Variants in SLC20A2 observed in about 807,000 individuals in gnomAD.
The protein encoded by SLC20A2 is solute carrier family 20 member 2, also known as sodium-dependent phosphate transporter 2.
A neutral mutation model predicts 61.0 loss-of-function variants in SLC20A2; 30 were observed. That is an observed-to-expected ratio of 0.49 (90% CI 0.37 to 0.67). The LOEUF (loss-of-function observed/expected upper bound fraction) is 0.67. Among genes scored for constraint, SLC20A2 ranks in the 30% least tolerant of loss-of-function variants. SLC20A2 has a pLI of 0.00. For missense variants in SLC20A2, 626 were observed against 866.4 expected (o/e 0.72, Z 3.48); for synonymous variants, 351 against 353.3 (o/e 0.99, Z 0.07).
intron 10 of SLC20A2, among the ~76,000 whole-genome samples, chr8:42,425,444 T>C (rs1037862236): frequency 5.3e-5 from 8 of 152,156 alleles, no homozygotes; most frequent in African/African-American, 1.9e-4. Flanking sequence ...GAATAAGTGT[T>C]ATGGGGTAAT....
rs1333701322 is a variant in SLC20A2 at position 42,439,599 on chromosome 8, T to C, written c.785A>G (p.Lys262Arg). 2 of 1,614,086 alleles carry C rather than the reference T, an allele frequency of 1.2e-6. No homozygotes were observed. Among genetic ancestry groups the C allele is most frequent in the Admixed American group, 1.7e-5 (1 of 60,006 alleles). Residue 262 changes from lysine (K) to arginine (R), a missense_variant, in exon 7 of 11, where the codon AAG becomes AGG. Physicochemically the swap from Lys to Arg is conservative, Grantham distance 26. Coordinates refer to ENST00000520262, the MANE Select transcript of SLC20A2 (RefSeq NM_001257180.2). Reference protein sequence around the residue: ...LSRVSDESLSKVQEAESPVFK... With the variant: ...LSRVSDESLSRVQEAESPVFK... ...TACTGGGGACTCTGCTTCCTGAACCTTACTGAGGCTTTCGTCAGATACTCG... is the reference window on the plus strand; with the variant it reads ...TACTGGGGACTCTGCTTCCTGAACCCTACTGAGGCTTTCGTCAGATACTCG...
At chr8:42,484,710 G>T (rs900318948) in intron 1 of SLC20A2, 1 of 382,830 alleles carries the variant, frequency 2.6e-6, no homozygotes. Context: ...GGGTGGGTGT[G>T]GTCTATGGCT....
intron 3 of SLC20A2, 27 bp downstream of exon 3, chr8:42,465,750 T>C (rs760009884): frequency 6.4e-7 from 1 of 1,562,870 alleles, no homozygotes; most frequent in South Asian, 1.2e-5. Flanking sequence ...ACTTTCCTTC[T>C]TATGGGTAAA....
intron 1 of SLC20A2, among the ~76,000 whole-genome samples, chr8:42,482,297 T>A (rs1808607585): frequency 1.3e-5 from 2 of 152,194 alleles, no homozygotes; most frequent in South Asian, 4.1e-4. Flanking sequence ...CATGAAAAAG[T>A]TATTATTAGG....
chr8:42,422,216 C>A (rs544648763), intron 10 of SLC20A2, among the ~76,000 whole-genome samples: 1 of 152,244 alleles, frequency 6.6e-6, no homozygotes, highest in East Asian at 1.9e-4. Flanking sequence ...CCACACTTGC[C>A]TAATTTTTAT....
At chr8:42,527,380 GGA>G (rs1491342500) in intron 1 of SLC20A2, among the ~76,000 whole-genome samples, 2 of 73,942 alleles carry the variant, frequency 2.7e-5, no homozygotes, top group African/African-American at 1.7e-4. Context: ...TCAAAATTAA[GGA>G]AAAAAAAAAA....
At chr8:42,438,085 A>AAAAAAAAC (rs1401813867) in intron 7 of SLC20A2, among the ~76,000 whole-genome samples, 5 of 149,350 alleles carry the variant, frequency 3.3e-5, no homozygotes, top group Non-Finnish European at 6.0e-5. Context: ...AAAAAAAAAA[A>AAAAAAAAC]AAAACATGGA....
chr8:42,438,777 C>T lies in SLC20A2; in HGVS notation c.934+673G>A, dbSNP rs978772322. Reference sequence around the variant, plus strand: ...TGTTGCCCAGGCTGGAGTGCAATGGCGCAATCTCGGCTCACTGCAATCTCT... The same window carrying T: ...TGTTGCCCAGGCTGGAGTGCAATGGTGCAATCTCGGCTCACTGCAATCTCT... On this transcript the variant is annotated intron_variant, in intron 7 of 10. Coordinates refer to ENST00000520262, the MANE Select transcript of SLC20A2 (RefSeq NM_001257180.2). Among the ~76,000 whole-genome samples the T allele has an allele frequency of 1.3e-5, 2 of 152,244 alleles. 1 individual carries two copies. The highest frequency in any genetic ancestry group is 6.8e-3 in the Middle Eastern group (2 of 294).
At chr8:42,471,569 T>C (rs1222219573) in intron 2 of SLC20A2, among the ~76,000 whole-genome samples, 1 of 152,212 alleles carries the variant, frequency 6.6e-6, no homozygotes, top group Non-Finnish European at 1.5e-5. Context: ...GAGACCAGAA[T>C]TTCTTGAAAC....
upstream of SLC20A2, chr8:42,502,443 G>T (rs556066859): frequency 1.4e-4 from 22 of 152,372 alleles, no homozygotes; most frequent in African/African-American, 5.1e-4. Flanking sequence ...TTGCAGACAG[G>T]TATCCTGCAA....
intron 8 of SLC20A2, among the ~76,000 whole-genome samples, chr8:42,431,520 G>A (rs938206573): frequency 6.6e-6 from 1 of 152,236 alleles, no homozygotes; most frequent in African/African-American, 2.4e-5. Context: ...TGGAGAAGCT[G>A]CAGCGAGTTC....
chr8:42,539,050 A>T (rs1812888628), intron 1 of SLC20A2, among the ~76,000 whole-genome samples: 1 of 152,176 alleles, frequency 6.6e-6, no homozygotes, highest in Non-Finnish European at 1.5e-5. Context: ...ACATGTATAC[A>T]TCTTTTTTAT....
chr8:42,441,020 C>T (rs1374579204), intron 6 of SLC20A2, among the ~76,000 whole-genome samples: 2 of 152,010 alleles, frequency 1.3e-5, no homozygotes, highest in South Asian at 2.1e-4. Context: ...AGGATGGTCT[C>T]GATTTCTTGA....
chr8:42,426,902 G>A (rs958566580), intron 10 of SLC20A2, among the ~76,000 whole-genome samples: 24 of 152,254 alleles, frequency 1.6e-4, no homozygotes, highest in Admixed American at 9.2e-4. Context: ...AGTGACACGC[G>A]TCTCCTCCAC....
At chr8:42,527,678 G>A (rs1446632037) in intron 1 of SLC20A2, among the ~76,000 whole-genome samples, 2 of 151,636 alleles carry the variant, frequency 1.3e-5, no homozygotes, top group Non-Finnish European at 2.9e-5. Context: ...TGAAACAGGA[G>A]AATCGCTTAA....
At chr8:42,474,150 G>A (rs1471002577) in intron 1 of SLC20A2, among the ~76,000 whole-genome samples, 4 of 151,858 alleles carry the variant, frequency 2.6e-5, no homozygotes, top group Non-Finnish European at 2.9e-5. Context: ...CAGCCTGGGC[G>A]ACACAGCGAG....
chr8:42,532,802 G>A (rs1329155903), intron 1 of SLC20A2, among the ~76,000 whole-genome samples: 2 of 152,178 alleles, frequency 1.3e-5, no homozygotes, highest in Admixed American at 6.5e-5. Context: ...TGACCGGGCT[G>A]AGTGGAACGT....
At chr8:42,480,910 C>T (rs1425733912) in intron 1 of SLC20A2, among the ~76,000 whole-genome samples, 1 of 152,170 alleles carries the variant, frequency 6.6e-6, no homozygotes, top group Non-Finnish European at 1.5e-5. Flanking sequence ...ATTCTCCCGC[C>T]TCAGCCTCCC....
At chr8:42,466,009 T>G in intron 2 of SLC20A2, 92 bp from the exon 3 acceptor site, 1 of 1,127,008 alleles carries the variant, frequency 8.9e-7, no homozygotes, top group Non-Finnish European at 1.2e-6. Context: ...TAACAACATC[T>G]CCCAGAGTTT....
Sources: gnomAD v4.1 joint callset for allele counts (sites outside exome capture counted in the v4.1 genomes callset) on GRCh38, gnomAD v4.1.1 for gene constraint, MANE v1.5 for transcripts, NCBI Gene and HGNC (gene_info 2026-07-23, HGNC 2026-07-21) for gene names.